Variants in CEP128 observed in about 807,000 individuals in gnomAD.
CEP128 encodes centrosomal protein 128, also known as centrosomal protein 128kDa.
In CEP128, 132 loss-of-function variants were observed where a neutral mutation model predicts 156.7. The observed-to-expected ratio is 0.84, with a 90% confidence interval of 0.73 to 0.97. The LOEUF is 0.97. CEP128 is among the 50% of genes least tolerant of loss of function. CEP128 has a pLI of 0.00. For synonymous variants in CEP128, 469 were observed against 448.9 expected (o/e 1.04, Z -0.57); for missense variants, 1,252 against 1,281.9 (o/e 0.98, Z 0.36).
intron 19 of CEP128, among the ~76,000 whole-genome samples, chr14:80,702,178 CA>C (rs1897097617): frequency 6.6e-6 from 1 of 152,090 alleles, no homozygotes; most frequent in South Asian, 2.1e-4. Flanking sequence ...AACACAGCTA[CA>C]GGGATTTTTG....
chr14:80,888,183 C>T (rs1049151909), intron 8 of CEP128, among the ~76,000 whole-genome samples: 4 of 152,092 alleles, frequency 2.6e-5, no homozygotes, highest in Admixed American at 6.6e-5. Context: ...GATTTACAGT[C>T]GAATTCTACC....
chr14:80,801,857 G>A (rs556184286), intron 13 of CEP128, among the ~76,000 whole-genome samples: 115 of 125,600 alleles, frequency 9.2e-4, no homozygotes, highest in Admixed American at 2.7e-3. Context: ...GCAGTAAGCC[G>A]AGATTGTGCC....
chr14:80,860,145 C>T (rs540754586), intron 9 of CEP128, among the ~76,000 whole-genome samples: 190 of 152,238 alleles, frequency 1.2e-3, no homozygotes, highest in Non-Finnish European at 2.5e-3. Flanking sequence ...TGTTTCCTCT[C>T]CTTAAACATG....
chr14:80,657,471 C>G (rs370704917), intron 19 of CEP128, among the ~76,000 whole-genome samples: 1 of 151,198 alleles, frequency 6.6e-6, no homozygotes, highest in Non-Finnish European at 1.5e-5. Flanking sequence ...GTCAACATGG[C>G]GAAACTCTGT....
At chr14:80,568,146 C>T (rs1890994846) in intron 20 of CEP128, among the ~76,000 whole-genome samples, 1 of 152,118 alleles carries the variant, frequency 6.6e-6, no homozygotes. Flanking sequence ...CTGACTGCCA[C>T]TGAATATAGT....
chr14:80,955,714 C>CT (rs1318223887), intron 2 of CEP128: 1 of 1,614,048 alleles, frequency 6.2e-7, no homozygotes, highest in Admixed American at 1.7e-5. Flanking sequence ...GCTGGTGCTG[C>CT]TGCTCGACCT....
intron 19 of CEP128, among the ~76,000 whole-genome samples, chr14:80,670,058 C>T (rs1353581198): frequency 2.6e-5 from 4 of 152,014 alleles, no homozygotes; most frequent in Non-Finnish European, 5.9e-5. Context: ...TATTTTGAAA[C>T]CATCAGATCT....
At chr14:80,782,503 A>C (rs1448887575) in intron 15 of CEP128, among the ~76,000 whole-genome samples, 1 of 152,144 alleles carries the variant, frequency 6.6e-6, no homozygotes, top group East Asian at 1.9e-4. Flanking sequence ...CAGTCTTCAT[A>C]CCAGTTTTCA....
At position 80,897,799 on chromosome 14, in the gene CEP128, T is replaced by C. The variant is rs144172006; in HGVS notation, c.573-2009A>G. Among the ~76,000 whole-genome samples, 28 of 152,216 alleles carry C rather than the reference T, an allele frequency of 1.8e-4. 1 individual carries two copies. The East Asian group carries it at 5.0e-3, about 27-fold the overall frequency. On this transcript the variant is annotated intron_variant, in intron 7 of 24. Transcript: ENST00000555265. ...CTCAAATCAATTTTTTTTTCCTTTG[T>C]GACAGGTTTCACTCTGATACCCAGG...
At chr14:80,701,483 A>G (rs145318520) in intron 19 of CEP128, among the ~76,000 whole-genome samples, 1 of 152,122 alleles carries the variant, frequency 6.6e-6, no homozygotes, top group East Asian at 1.9e-4. Flanking sequence ...CCAACAACCA[A>G]ATGGATGGAC....
chr14:80,679,885 G>C (rs961724893), intron 19 of CEP128, among the ~76,000 whole-genome samples: 1 of 152,154 alleles, frequency 6.6e-6, no homozygotes, highest in Non-Finnish European at 1.5e-5. Flanking sequence ...AGGCCCAGCT[G>C]TAAAATTCAT....
intron 13 of CEP128, among the ~76,000 whole-genome samples, chr14:80,829,307 A>G (rs1444400621): frequency 1.3e-5 from 2 of 152,336 alleles, no homozygotes; most frequent in Admixed American, 6.5e-5. Context: ...TGTCTTTGTG[A>G]TGTCCTTTGC....
chr14:80,563,718 G>A (rs2140385446), intron 20 of CEP128, among the ~76,000 whole-genome samples: 1 of 151,790 alleles, frequency 6.6e-6, no homozygotes, highest in African/African-American at 2.4e-5. Flanking sequence ...TGTATTTTTA[G>A]TAGAGACAGG....
intron 19 of CEP128, among the ~76,000 whole-genome samples, chr14:80,638,356 A>G (rs1390585180): frequency 6.6e-6 from 1 of 152,184 alleles, no homozygotes; most frequent in East Asian, 1.9e-4. Flanking sequence ...ACCCACTGGT[A>G]TATTTTTCTT....
intron 19 of CEP128, among the ~76,000 whole-genome samples, chr14:80,693,778 T>C (rs1896797038): frequency 6.6e-6 from 1 of 152,212 alleles, no homozygotes; most frequent in Non-Finnish European, 1.5e-5. Context: ...TGACGTTGTC[T>C]CTTAGCTAGA....
At chr14:80,581,781 C>T (rs1267558839) in intron 19 of CEP128, among the ~76,000 whole-genome samples, 1 of 152,114 alleles carries the variant, frequency 6.6e-6, no homozygotes, top group East Asian at 1.9e-4. Flanking sequence ...GATACAGAAA[C>T]CAACTTGGTG....
chr14:80,610,909 G>A (rs1200365707), intron 19 of CEP128, among the ~76,000 whole-genome samples: 1 of 152,068 alleles, frequency 6.6e-6, no homozygotes, highest in Non-Finnish European at 1.5e-5. Flanking sequence ...GAAATGGTAA[G>A]TAAAAAGTAA....
At chr14:80,601,798 T>C (rs978392627) in intron 19 of CEP128, among the ~76,000 whole-genome samples, 8 of 152,164 alleles carry the variant, frequency 5.3e-5, no homozygotes, top group Admixed American at 4.6e-4. Context: ...AATAGAAATT[T>C]TTCAACTCTG....
At chr14:80,815,025 T>C in intron 13 of CEP128, among the ~76,000 whole-genome samples, 1 of 152,124 alleles carries the variant, frequency 6.6e-6, no homozygotes, top group South Asian at 2.1e-4. Context: ...GCCACTGCAC[T>C]CCAGCCTTGG....
Sources: allele counts gnomAD v4.1 joint callset (sites outside exome capture counted in the v4.1 genomes callset), GRCh38; gene constraint gnomAD v4.1.1; transcripts MANE v1.5; gene names NCBI Gene and HGNC (gene_info 2026-07-23, HGNC 2026-07-21).